The following DDX39A variants were observed in gnomAD, a reference collection of about 807,000 sequenced individuals.
The protein encoded by DDX39A is ATP-dependent RNA helicase DDX39A.
Under a neutral mutation model 46.3 loss-of-function variants are expected in DDX39A, and 13 were observed. The observed-to-expected ratio is 0.28, with a 90% CI of 0.18 to 0.45. The LOEUF (loss-of-function observed/expected upper bound fraction) is 0.45. DDX39A is among the 20% of genes least tolerant of loss of function. The probability of loss-of-function intolerance (pLI) is 1.00; values close to 1 mark genes in which losing one functional copy is unlikely to be tolerated. For synonymous variants in DDX39A, 234 were observed against 224.6 expected (o/e 1.04, Z -0.38); for missense variants, 352 against 581.8 (o/e 0.61, Z 4.06).
Position 14,408,813 on chromosome 19 carries a change from C to G in DDX39A, c.*123G>C. 7.2e-7 allele frequency: 1 copy of G among 1,397,436 alleles called. No homozygotes were observed. The highest frequency in any genetic ancestry group is 9.5e-7 in the Non-Finnish European group (1 of 1,052,756). 86.6% of individuals were successfully genotyped at this position (1,397,436 alleles called of 1,614,324 possible). A position where few individuals can be genotyped will look rare whatever the true frequency, so the allele number is the denominator to read the frequency against. On this transcript the variant is annotated 3_prime_UTR_variant, in exon 11 of 11. Transcript: ENST00000242776. Reference sequence around the variant, plus strand: ...GACCAAGAAATAGATGGGGTGGGAGCCAGGCTTCCATAATAACAAGTTTAT... The same window carrying G: ...GACCAAGAAATAGATGGGGTGGGAGGCAGGCTTCCATAATAACAAGTTTAT...
In DDX39A at chr19:14,409,557, C is replaced by T; in HGVS notation, c.953G>A (p.Arg318Gln). 5.6e-6 allele frequency: 9 copies of T among 1,610,018 alleles called. No homozygotes were observed. The highest frequency in any genetic ancestry group is 5.1e-6 in the Non-Finnish European group (6 of 1,178,794). The stretch of plus-strand genomic sequence containing the variant: ...TCACCGCTCCTCCTGGGCCATGCCC[C>T]GGTGGATGGCGATGGCCGGGAAGTT... ...EQNFPAIAIH[R>Q]GMAQEERLSR... Residue 318 changes from arginine (R) to glutamine (Q), a missense_variant, in exon 8 of 11, where the codon CGG (arginine) becomes CAG (glutamine). By Grantham distance (43) the Arg-to-Gln change is conservative. This residue lies in a region of DDX39A where 301 missense variants were observed against 469.9 expected (regional missense o/e 0.64). Transcript: ENST00000242776. This position sits in a 1 kb window ranked among gnomAD's most constrained non-coding sequence, Gnocchi z 8.3.
intron 1 of DDX39A, chr19:14,419,003 C>A (rs1289867609): frequency 4.4e-6 from 2 of 456,250 alleles, no homozygotes; most frequent in Middle Eastern, 3.3e-4. Flanking sequence ...CCAAGTGGGG[C>A]TCGGAGCGCC....
At chr19:14,413,287 A>G in intron 1 of DDX39A, 63 bp from the exon 2 acceptor site, 1 of 1,457,608 alleles carries the variant, frequency 6.9e-7, no homozygotes, top group Non-Finnish European at 9.4e-7. Context: ...GCTTCATTCA[A>G]ATGGCATTCT....
rs749323166 is a variant in DDX39A at position 14,411,116 on chromosome 19, C to G, written c.486G>C (p.Lys162Asn). The G allele has an allele frequency of 1.2e-6, 2 of 1,610,032 alleles. No individual in the cohort carries two copies. Among genetic ancestry groups the G allele is most frequent in the Non-Finnish European group, 1.7e-6 (2 of 1,178,484 alleles). ...TCCCCACCACGACATGGGGACAGTT[C>G]TTCTTCAACACTTCTTCATCCTTCT... is the stretch of plus-strand genomic sequence containing the variant. ...SIKKDEEVLK[K>N]NCPHVVVGTP... The change falls in exon 5 of 11, where the codon AAG (lysine) becomes AAC (asparagine). Residue 162 changes from lysine to asparagine, a missense_variant. This residue lies in a region of DDX39A where 301 missense variants were observed against 469.9 expected (regional missense o/e 0.64). Coordinates refer to ENST00000242776, the MANE Select transcript of DDX39A (RefSeq NM_005804.4). The surrounding 1 kb of genome is among the most constrained non-coding windows in gnomAD (Gnocchi z 4.1).
At position 14,412,033 on chromosome 19, in the gene DDX39A, G is replaced by A. The variant is rs933871816; in HGVS notation, c.337-435C>T. ...TCAGGATGTGCTCTGAGATAACGAGGGCACGGGCGCCAATATGAAGCCCAA... is the reference window on the plus strand; with the variant it reads ...TCAGGATGTGCTCTGAGATAACGAGAGCACGGGCGCCAATATGAAGCCCAA... On this transcript the variant is annotated intron_variant, in intron 3 of 10. Coordinates refer to ENST00000242776, the MANE Select transcript of DDX39A (RefSeq NM_005804.4). The surrounding 1 kb of genome is among the most constrained non-coding windows in gnomAD (Gnocchi z 4.4). Among the ~76,000 whole-genome samples, 5 of 152,132 alleles carry A rather than the reference G, an allele frequency of 3.3e-5. No homozygotes were observed. Among genetic ancestry groups the A allele is most frequent in the Non-Finnish European group, 7.3e-5 (5 of 68,034 alleles).
chr19:14,410,556 G>A lies in DDX39A; in HGVS notation c.614-222C>T, dbSNP rs373203808. On this transcript the variant is annotated intron_variant, in intron 5 of 10. Transcript: ENST00000242776. This position sits in a 1 kb window ranked among gnomAD's most constrained non-coding sequence, Gnocchi z 4.3. ...AGCTGCAATCCACTTACACGCTGGC[G>A]CGGAGCAGCCGTGCCCGTGCGCCTC... 13 of 573,552 alleles carry A rather than the reference G, an allele frequency of 2.3e-5. No individual in the cohort carries two copies. Among genetic ancestry groups the A allele is most frequent in the Admixed American group, 1.5e-4 (5 of 33,970 alleles). 35.5% of individuals were successfully genotyped at this position (573,552 alleles called of 1,614,324 possible). A position where few individuals can be genotyped will look rare whatever the true frequency, so the allele number is the denominator to read the frequency against.
Position 14,413,122 on chromosome 19 carries a change from G to A in DDX39A, c.99C>T (p.Asp33=), listed in dbSNP as rs1442885572. 3 of 1,614,052 alleles carry A rather than the reference G, an allele frequency of 1.9e-6. No homozygotes were observed. Among genetic ancestry groups the A allele is most frequent in the South Asian group, 1.1e-5 (1 of 91,092 alleles). The change falls in exon 2 of 11, where the codon GAC becomes GAT. Residue 33 remains aspartate, a synonymous_variant. Transcript: ENST00000242776. ...QESTPAPPKK[D]IKGSYVSIHS... is the part of the protein sequence containing the mutation. Reference sequence around the variant, plus strand: ...GGATGGAAACGTAGGATCCCTTGATGTCTTTCTTAGGGGGAGCTGGTGTGC... The same window carrying A: ...GGATGGAAACGTAGGATCCCTTGATATCTTTCTTAGGGGGAGCTGGTGTGC...
rs904866056 is a variant in DDX39A at position 14,412,682 on chromosome 19, C to T, written c.209-4G>A. Reference sequence around the variant, plus strand: ...TGGGGAATGCACTCATGCTGGACTGCAGGAGAAGCAGAGCGTGAGGGACGA... The same window carrying T: ...TGGGGAATGCACTCATGCTGGACTGTAGGAGAAGCAGAGCGTGAGGGACGA... On this transcript the variant is annotated splice_region_variant and splice_polypyrimidine_tract_variant and intron_variant, in intron 2 of 10. Transcript: ENST00000242776. This position sits in a 1 kb window ranked among gnomAD's most constrained non-coding sequence, Gnocchi z 4.4. 4 of 1,600,272 alleles carry T rather than the reference C, an allele frequency of 2.5e-6. No homozygotes were observed. The highest frequency in any genetic ancestry group is 2.7e-5 in the African/African-American group (2 of 74,816).
At position 14,410,947 on chromosome 19, in the gene DDX39A, G is replaced by A. The variant is rs1976562555; in HGVS notation, c.613+42C>T. ...TTCCGCCTGCTATGGGGCCCGCCTA[G>A]TCACTGACTCTCAGCTGGGGCTGCA... On this transcript the variant is annotated intron_variant, in intron 5 of 10. Transcript: ENST00000242776. The surrounding 1 kb of genome is among the most constrained non-coding windows in gnomAD (Gnocchi z 4.3). 2 of 1,502,804 alleles carry A rather than the reference G, an allele frequency of 1.3e-6. No homozygotes were observed. 93.1% of individuals were successfully genotyped at this position (1,502,804 alleles called of 1,614,324 possible).
rs1423684505 is a variant in DDX39A at position 14,417,549 on chromosome 19, G to A, written c.-5+1721C>T. Among the ~76,000 whole-genome samples, 4 of 151,910 alleles carry A rather than the reference G, an allele frequency of 2.6e-5. No homozygotes were observed. In the East Asian group the frequency reaches 5.8e-4, roughly 22 times the overall value. On this transcript the variant is annotated intron_variant, in intron 1 of 10. Coordinates refer to ENST00000242776, the MANE Select transcript of DDX39A (RefSeq NM_005804.4). ...TACCTAATGCAAATGACGAGTTAAC[G>A]GGTCCAGCACACCAACATGGCACAT... is the stretch of plus-strand genomic sequence containing the variant.
Position 14,412,729 on chromosome 19 carries a change from C to T in DDX39A, c.209-51G>A. On this transcript the variant is annotated intron_variant, in intron 2 of 10. Coordinates refer to ENST00000242776, the MANE Select transcript of DDX39A (RefSeq NM_005804.4). This position sits in a 1 kb window ranked among gnomAD's most constrained non-coding sequence, Gnocchi z 4.4. ...ACGAGAACCTGGATGCACCCCCGTG[C>T]AGGATCCTCACCAGTTGACCGGGGG... is the stretch of plus-strand genomic sequence containing the variant. 1.9e-6 allele frequency: 3 copies of T among 1,562,700 alleles called. No individual in the cohort carries two copies. In the South Asian group the frequency reaches 3.5e-5, roughly 18 times the overall value.
chr19:14,419,020 C>G, intron 1 of DDX39A: 1 of 455,848 alleles, frequency 2.2e-6, no homozygotes, highest in Non-Finnish European at 4.4e-6. Flanking sequence ...CGCCGTAGGC[C>G]ATGACAGCCC....
chr19:14,409,016 G>A lies in DDX39A; in HGVS notation c.1267+21C>T. The A allele has an allele frequency of 1.9e-6, 3 of 1,614,086 alleles. No homozygotes were observed. The highest frequency in any genetic ancestry group is 2.5e-6 in the Non-Finnish European group (3 of 1,180,008). ...GAGGAACCCTCTGCCCCAGACCCCT[G>A]GCCCTGCCCAAGGCACTTACTGTAT... is the stretch of plus-strand genomic sequence containing the variant. On this transcript the variant is annotated intron_variant, in intron 10 of 10. Coordinates refer to ENST00000242776, the MANE Select transcript of DDX39A (RefSeq NM_005804.4). The surrounding 1 kb of genome is among the most constrained non-coding windows in gnomAD (Gnocchi z 8.3).
In DDX39A at chr19:14,409,131, A is replaced by T; in HGVS notation, c.1173T>A (p.Ser391=). ...GTKGLAITFV[S]DENDAKILND... is the part of the protein sequence containing the mutation. Reference sequence around the variant, plus strand: ...TGAGGATTTTGGCATCATTCTCGTCAGACACAAAAGTGATGGCTAGGCCTT... The same window carrying T: ...TGAGGATTTTGGCATCATTCTCGTCTGACACAAAAGTGATGGCTAGGCCTT... The change falls in exon 10 of 11, where the codon TCT becomes TCA. Residue 391 remains serine, a synonymous_variant. Transcript: ENST00000242776. This position sits in a 1 kb window ranked among gnomAD's most constrained non-coding sequence, Gnocchi z 8.3. 6.2e-7 allele frequency: 1 copy of T among 1,614,222 alleles called. No homozygotes were observed. Among genetic ancestry groups the T allele is most frequent in the Middle Eastern group, 1.6e-4 (1 of 6,062 alleles).
intron 1 of DDX39A, among the ~76,000 whole-genome samples, chr19:14,414,481 T>C (rs971517881): frequency 6.7e-6 from 1 of 149,676 alleles, no homozygotes; most frequent in Non-Finnish European, 1.5e-5. Context: ...CTCCTGAGTA[T>C]CTGGGATTAC....
rs748916391 is a variant in DDX39A at position 14,409,951 on chromosome 19, C to T, written c.733-78G>A. ...CGCCTGCCCAGAACCTTCCAGTGGG[C>T]GACTCCTTTGTGCGACACTTCCCAG... On this transcript the variant is annotated intron_variant, in intron 6 of 10. Transcript: ENST00000242776. The surrounding 1 kb of genome is among the most constrained non-coding windows in gnomAD (Gnocchi z 8.3). The T allele has an allele frequency of 1.9e-5, 29 of 1,566,142 alleles. No homozygotes were observed. The East Asian group carries it at 2.7e-4, about 15-fold the overall frequency.
rs1976647799 is a variant in DDX39A, at chr19:14,412,821, T to C, written c.209-143A>G. The C allele has an allele frequency of 7.6e-6, 10 of 1,316,194 alleles. No homozygotes were observed. The highest frequency in any genetic ancestry group is 6.2e-6 in the Non-Finnish European group (6 of 971,782). The allele number at this position is 1,316,194 out of a possible 1,614,324, so 81.5% of individuals were successfully genotyped here. A position where few individuals can be genotyped will look rare whatever the true frequency, so the allele number is the denominator to read the frequency against. On this transcript the variant is annotated intron_variant, in intron 2 of 10. Coordinates refer to ENST00000242776, the MANE Select transcript of DDX39A (RefSeq NM_005804.4). This position sits in a 1 kb window ranked among gnomAD's most constrained non-coding sequence, Gnocchi z 4.4. ...GCCACAGACACCTGCAGGGCTGGGG[T>C]ATCCGCCTGGTCAAAGCAGAACGCC...
chr19:14,409,976 G>T lies in DDX39A; in HGVS notation c.733-103C>A. ...CGACTCCTTTGTGCGACACTTCCCA[G>T]AGGACCTGCTGCACCAGACCTCAGT... On this transcript the variant is annotated intron_variant, in intron 6 of 10. Coordinates refer to ENST00000242776, the MANE Select transcript of DDX39A (RefSeq NM_005804.4). The surrounding 1 kb of genome is among the most constrained non-coding windows in gnomAD (Gnocchi z 8.3). 7.0e-7 allele frequency: 1 copy of T among 1,427,038 alleles called. No individual in the cohort carries two copies. 88.4% of individuals were successfully genotyped at this position (1,427,038 alleles called of 1,614,324 possible). A position where few individuals can be genotyped will look rare whatever the true frequency, so the allele number is the denominator to read the frequency against.
rs375042315 is a variant in DDX39A at position 14,413,318 on chromosome 19, T to C, written c.-4-94A>G. On this transcript the variant is annotated intron_variant, in intron 1 of 10. Coordinates refer to ENST00000242776, the MANE Select transcript of DDX39A (RefSeq NM_005804.4). ...ATTCTCTGCCGCCTCCTTCCATGAG[T>C]GAGCCCATCAGCTCTACCTGGGCTG... is the stretch of plus-strand genomic sequence containing the variant. 1.1e-5 allele frequency: 13 copies of C among 1,162,754 alleles called. 1 individual carries two copies. The African/African-American group carries it at 1.7e-4, about 15-fold the overall frequency. 72.0% of individuals were successfully genotyped at this position (1,162,754 alleles called of 1,614,324 possible). A position where few individuals can be genotyped will look rare whatever the true frequency, so the allele number is the denominator to read the frequency against.
Sources: allele counts gnomAD v4.1 joint callset (sites outside exome capture counted in the v4.1 genomes callset), GRCh38; gene constraint gnomAD v4.1.1; regional missense constraint gnomAD v4.1.1; non-coding constraint Gnocchi (gnomAD v3.1); transcripts MANE v1.5; gene names NCBI Gene and HGNC (gene_info 2026-07-23, HGNC 2026-07-21).